The following ZNF626 variants were observed in gnomAD, a reference collection of about 807,000 sequenced individuals.
ZNF626 encodes CTC-513N18.7.
In ZNF626, 4 loss-of-function variants were observed where a neutral mutation model predicts 11.7. The observed-to-expected ratio is 0.34, with a 90% CI of 0.17 to 0.78. The LOEUF is 0.78. Ranked by LOEUF, ZNF626 falls within the 30% of genes least tolerant of loss-of-function variation. The pLI is 0.57. For synonymous variants in ZNF626, 179 were observed against 198.6 expected, an observed-to-expected ratio of 0.90 and a Z score of 0.83; for missense variants, 588 against 587.1, an observed-to-expected ratio of 1.00 and a Z score of -0.01.
chr19:20,648,175 C>CA (rs34417157), intron 1 of ZNF626, among the ~76,000 whole-genome samples: 40,286 of 103,814 alleles, frequency 0.39, 6,419 homozygotes, highest in East Asian at 0.58. Flanking sequence ...GACTCCGTGT[C>CA]AAAAAAAAAA....
intron 3 of ZNF626, among the ~76,000 whole-genome samples, chr19:20,636,508 A>T (rs1283049679): frequency 1.3e-5 from 2 of 152,064 alleles, no homozygotes; most frequent in African/African-American, 4.8e-5. Flanking sequence ...TGTATTCATG[A>T]AAGGACTCTT....
intron 3 of ZNF626, among the ~76,000 whole-genome samples, chr19:20,635,834 T>C (rs559734453): frequency 1.6e-4 from 25 of 152,154 alleles, no homozygotes; most frequent in African/African-American, 6.0e-4. Flanking sequence ...CTAGACAGGA[T>C]TAAAAAAACT....
At chr19:20,630,137 T>C (rs1400769743) in intron 3 of ZNF626, among the ~76,000 whole-genome samples, 2 of 152,284 alleles carry the variant, frequency 1.3e-5, no homozygotes, top group African/African-American at 4.8e-5. Flanking sequence ...GCCCATTTGA[T>C]CATGGTGGAT....
intron 3 of ZNF626, among the ~76,000 whole-genome samples, chr19:20,629,140 A>G (rs1329999884): frequency 3.3e-5 from 5 of 152,116 alleles, no homozygotes; most frequent in African/African-American, 7.2e-5. Context: ...CCATTGGTCT[A>G]TATCTCTGGT....
In ZNF626 at chr19:20,625,443, C is replaced by G; in HGVS notation, c.434G>C (p.Cys145Ser). The change falls in exon 4 of 4, where the codon TGT (cysteine) becomes TCT (serine). Residue 145 changes from cysteine to serine, a missense_variant. Around this residue, in one of 4 missense-constraint regions of ZNF626, gnomAD observed 524 missense variants for 470.1 expected, o/e 1.11. Transcript: ENST00000601440. Reference protein sequence around the residue: ...QCLTTTPRKICQCDKYVKVLH... With the variant: ...QCLTTTPRKISQCDKYVKVLH... ...GACTTTCACATATTTATCACATTGA[C>G]ATATTTTTCTTGGGGTAGTTGTCAA... is the stretch of plus-strand genomic sequence containing the variant. The G allele has an allele frequency of 6.2e-7, 1 of 1,614,050 alleles. No homozygotes were observed. The highest frequency in any genetic ancestry group is 1.1e-5 in the South Asian group (1 of 91,070).
chr19:20,622,289 A>G lies in ZNF626; in HGVS notation c.*2001T>C, dbSNP rs1555768815. On this transcript the variant is annotated 3_prime_UTR_variant, in exon 4 of 4. Coordinates refer to ENST00000601440, the MANE Select transcript of ZNF626 (RefSeq NM_001076675.3). ...CATTTTATTACGTAACAGTAAAATT[A>G]GTAAAATAATTGATATACTTTAATT... is the stretch of plus-strand genomic sequence containing the variant. 6.6e-6 allele frequency: 1 copy of G among 152,260 alleles called. No individual in the cohort carries two copies. Among genetic ancestry groups the G allele is most frequent in the African/African-American group, 2.4e-5 (1 of 41,474 alleles). 9.4% of individuals were successfully genotyped at this position (152,260 alleles called of 1,614,324 possible).
chr19:20,626,011 C>T (rs1969827484), intron 3 of ZNF626, among the ~76,000 whole-genome samples: 1 of 152,048 alleles, frequency 6.6e-6, no homozygotes, highest in Non-Finnish European at 1.5e-5. Context: ...GCCTGTAGTC[C>T]CAGCATGTTG....
chr19:20,646,230 T>A (rs1599483542), intron 2 of ZNF626, 49 bp downstream of exon 2: 1 of 1,492,274 alleles, frequency 6.7e-7, no homozygotes, highest in Non-Finnish European at 8.9e-7. Context: ...CTACAAAAAA[T>A]AAATAAATAA....
intron 1 of ZNF626, among the ~76,000 whole-genome samples, chr19:20,653,309 A>C (rs1970167839): frequency 6.6e-6 from 1 of 152,206 alleles, no homozygotes; most frequent in African/African-American, 2.4e-5. Context: ...TTTATTACAC[A>C]ATTAAACTTG....
At chr19:20,646,254 T>A (rs781907413) in intron 2 of ZNF626, 25 bp downstream of exon 2, 2 of 1,603,804 alleles carry the variant, frequency 1.2e-6, no homozygotes, top group East Asian at 4.5e-5. Flanking sequence ...CTATAGGGTA[T>A]ATTATGTACT....
At chr19:20,653,241 G>GA (rs1555772751) in intron 1 of ZNF626, among the ~76,000 whole-genome samples, 1 of 152,062 alleles carries the variant, frequency 6.6e-6, no homozygotes, top group Non-Finnish European at 1.5e-5. Context: ...ATAATTAAAA[G>GA]AAAAATTTTC....
At chr19:20,658,873 G>C (rs144032934) in intron 1 of ZNF626, among the ~76,000 whole-genome samples, 2 of 152,054 alleles carry the variant, frequency 1.3e-5, no homozygotes, top group Admixed American at 6.6e-5. Context: ...GAAAACTGAG[G>C]ACTCCCAAAA....
rs1321166654 is a variant in ZNF626, at chr19:20,620,566, TC to T, written c.*3723del. On this transcript the variant is annotated 3_prime_UTR_variant, in exon 4 of 4. Transcript: ENST00000601440. ...CAGGACTCAGAAATGTAATTTTTTTTCCTTTGAGGAGTCTCATCACTCTGTC... is the reference window on the plus strand; with the variant it reads ...CAGGACTCAGAAATGTAATTTTTTTTCTTTGAGGAGTCTCATCACTCTGTC... 6.6e-6 allele frequency: 1 copy of T among 152,292 alleles called. No homozygotes were observed. The highest frequency in any genetic ancestry group is 2.1e-4 in the South Asian group (1 of 4,826). The allele number at this position is 152,292 out of a possible 1,614,324, so 9.4% of individuals were successfully genotyped here. A position where few individuals can be genotyped will look rare whatever the true frequency, so the allele number is the denominator to read the frequency against.
chr19:20,646,197 A>G, intron 2 of ZNF626, 82 bp downstream of exon 2: 2 of 1,411,488 alleles, frequency 1.4e-6, no homozygotes, highest in East Asian at 5.3e-5. Flanking sequence ...TTTTATGCAA[A>G]GAATAAATTA....
intron 3 of ZNF626, among the ~76,000 whole-genome samples, chr19:20,633,186 T>C (rs1435901593): frequency 6.6e-6 from 1 of 152,182 alleles, no homozygotes; most frequent in Non-Finnish European, 1.5e-5. Context: ...CAGGTGTCAG[T>C]CCACCCCTAC....
At chr19:20,628,729 G>A (rs7351093) in intron 3 of ZNF626, among the ~76,000 whole-genome samples, 1 of 152,116 alleles carries the variant, frequency 6.6e-6, no homozygotes, top group Non-Finnish European at 1.5e-5. Context: ...CCATTCTGTA[G>A]GTTGCCTGTT....
At chr19:20,627,983 T>G (rs1375425647) in intron 3 of ZNF626, among the ~76,000 whole-genome samples, 6 of 152,150 alleles carry the variant, frequency 3.9e-5, no homozygotes, top group African/African-American at 1.4e-4. Flanking sequence ...CCTGTGTCCA[T>G]GTATTCTCAT....
At chr19:20,637,018 C>CAAAAAAAAA (rs74172354) in intron 3 of ZNF626, among the ~76,000 whole-genome samples, 3 of 58,754 alleles carry the variant, frequency 5.1e-5, no homozygotes, top group African/African-American at 6.5e-5. Context: ...GACTCCATCT[C>CAAAAAAAAA]AAAAAAAAAA....
At chr19:20,653,565 G>C (rs35362991) in intron 1 of ZNF626, among the ~76,000 whole-genome samples, 122 of 150,802 alleles carry the variant, frequency 8.1e-4, no homozygotes, top group Non-Finnish European at 1.6e-3. Context: ...GGAAGCAGAG[G>C]TTGCAGTGAG....
Sources: gnomAD v4.1 joint callset for allele counts (sites outside exome capture counted in the v4.1 genomes callset) on GRCh38, gnomAD v4.1.1 for gene constraint, gnomAD v4.1.1 regional missense constraint, MANE v1.5 for transcripts, NCBI Gene and HGNC (gene_info 2026-07-23, HGNC 2026-07-21) for gene names.